Variants in ZSWIM6 observed in about 807,000 individuals in gnomAD.
ZSWIM6 encodes the protein zinc finger SWIM domain-containing protein 6.
ZSWIM6 carries 9 observed loss-of-function variants against 113.2 expected under a neutral mutation model. That is an observed-to-expected ratio of 0.08 (90% CI 0.05 to 0.14). The LOEUF is 0.14. Ranked by LOEUF, ZSWIM6 falls within the 10% of genes least tolerant of loss-of-function variation. The pLI, the probability that ZSWIM6 is intolerant of heterozygous loss-of-function variation, is 1.00. For synonymous variants in ZSWIM6, 611 were observed against 606.5 expected, an observed-to-expected ratio of 1.01 and a Z score of -0.11; for missense variants, 1,162 against 1,552.2, an observed-to-expected ratio of 0.75 and a Z score of 4.22.
chr5:61,523,297 C>T (rs367857394), intron 5 of ZSWIM6, among the ~76,000 whole-genome samples: 33 of 152,274 alleles, frequency 2.2e-4, no homozygotes, highest in African/African-American at 7.0e-4. Flanking sequence ...AGGCCATGGA[C>T]GGAATTTCTT....
At chr5:61,359,826 G>T (rs559445335) in intron 1 of ZSWIM6, among the ~76,000 whole-genome samples, 1 of 152,064 alleles carries the variant, frequency 6.6e-6, no homozygotes, top group Non-Finnish European at 1.5e-5. Context: ...TTAGTGTCCA[G>T]TCAGGAAAAT....
rs1749856413 is a variant in ZSWIM6 at position 61,545,280 on chromosome 5, CACAG to C, written c.*967_*970del. ...ATGTATACATATATATATGTATACA[CACAG>C]ACACACACACACACCACCAACAACC... On this transcript the variant is annotated 3_prime_UTR_variant, in exon 14 of 14. Coordinates refer to ENST00000252744, the MANE Select transcript of ZSWIM6 (RefSeq NM_020928.2). The C allele has an allele frequency of 6.6e-6, 1 of 151,526 alleles. No homozygotes were observed. Among genetic ancestry groups the C allele is most frequent in the Non-Finnish European group, 1.5e-5 (1 of 67,910 alleles). The allele number at this position is 151,526 out of a possible 1,614,324, so 9.4% of individuals were successfully genotyped here.
chr5:61,541,977 C>T lies in ZSWIM6; in HGVS notation c.2785+12C>T. ...TGCTACTGAAGTCGGTAGGTAAACT[C>T]TGGAACAGAAGCTTTCCTAGGTGCC... On this transcript the variant is annotated intron_variant, in intron 13 of 13. Transcript: ENST00000252744. 1 of 1,548,188 alleles carries T rather than the reference C, an allele frequency of 6.5e-7. No individual in the cohort carries two copies. The highest frequency in any genetic ancestry group is 1.2e-5 in the South Asian group (1 of 83,844).
At chr5:61,358,319 A>G (rs1182465585) in intron 1 of ZSWIM6, among the ~76,000 whole-genome samples, 1 of 152,158 alleles carries the variant, frequency 6.6e-6, no homozygotes, top group African/African-American at 2.4e-5. Flanking sequence ...AAAATCATGT[A>G]TTTCCTCATT....
At chr5:61,336,224 A>G (rs971748970) in intron 1 of ZSWIM6, among the ~76,000 whole-genome samples, 6 of 152,046 alleles carry the variant, frequency 3.9e-5, no homozygotes, top group Non-Finnish European at 7.4e-5. Context: ...AGATCGTACC[A>G]TTGCACTCCA....
At chr5:61,462,282 A>G (rs979643461) in intron 1 of ZSWIM6, among the ~76,000 whole-genome samples, 2 of 152,206 alleles carry the variant, frequency 1.3e-5, no homozygotes, top group Non-Finnish European at 2.9e-5. Context: ...AATTTTATAT[A>G]CCTCACATGG....
chr5:61,470,972 G>A (rs772753508), intron 1 of ZSWIM6, among the ~76,000 whole-genome samples: 19 of 152,176 alleles, frequency 1.2e-4, no homozygotes, highest in Non-Finnish European at 2.4e-4. Context: ...GATGTCCTGT[G>A]TGTAAACTCT....
At position 61,375,468 on chromosome 5, in the gene ZSWIM6, T is replaced by C. The variant is rs545736744; in HGVS notation, c.676+42520T>C. 7.7e-5 allele frequency: 119 copies of C among 1,546,754 alleles called. 2 individuals carry two copies. The South Asian group carries it at 1.1e-3, about 14-fold the overall frequency. On this transcript the variant is annotated intron_variant, in intron 1 of 13. Coordinates refer to ENST00000252744, the MANE Select transcript of ZSWIM6 (RefSeq NM_020928.2). ...GCTCTGATTCTTCCAGCAGTTCTTC[T>C]GATTCTGAAGATGAGGATAAGAAAC...
chr5:61,365,205 A>T (rs1294149474), intron 1 of ZSWIM6, among the ~76,000 whole-genome samples: 1 of 152,064 alleles, frequency 6.6e-6, no homozygotes, highest in Non-Finnish European at 1.5e-5. Context: ...TACAAAAATT[A>T]GCCAGATGTG....
intron 3 of ZSWIM6, among the ~76,000 whole-genome samples, chr5:61,493,123 A>G (rs1748223720): frequency 6.6e-6 from 1 of 152,112 alleles, no homozygotes; most frequent in African/African-American, 2.4e-5. Flanking sequence ...GACAAAACTT[A>G]AAGTTCCAAC....
In ZSWIM6 at chr5:61,531,646, C is replaced by T. The variant is rs1320367751; in HGVS notation, c.2166C>T (p.Leu722=). ...AAGTTTGCCGGAATGAGGAGCAGCT[C>T]ATTTCTAAGCTTCAGGAAATTGAAT... ...QEKVCRNEEQ[L]ISKLQEIELD... is the part of the protein sequence containing the mutation. Residue 722 remains leucine, a synonymous_variant, in exon 9 of 14, where the codon CTC becomes CTT. Transcript: ENST00000252744. 1.2e-5 allele frequency: 18 copies of T among 1,551,596 alleles called. No individual in the cohort carries two copies. Among genetic ancestry groups the T allele is most frequent in the Non-Finnish European group, 1.5e-5 (17 of 1,146,994 alleles).
At position 61,526,427 on chromosome 5, in the gene ZSWIM6, A is replaced by G. The variant is rs1316115573; in HGVS notation, c.1837+31A>G. 4 of 1,551,130 alleles carry G rather than the reference A, an allele frequency of 2.6e-6. No individual in the cohort carries two copies. In the South Asian group the frequency reaches 4.8e-5, roughly 18 times the overall value. Reference sequence around the variant, plus strand: ...TGTGAAGGAGTTTGTTTCCATTGGAATGGGATTCTTAGTGATGACATTACT... The same window carrying G: ...TGTGAAGGAGTTTGTTTCCATTGGAGTGGGATTCTTAGTGATGACATTACT... On this transcript the variant is annotated intron_variant, in intron 7 of 13. Coordinates refer to ENST00000252744, the MANE Select transcript of ZSWIM6 (RefSeq NM_020928.2).
At chr5:61,412,819 A>C (rs1436550232) in intron 1 of ZSWIM6, among the ~76,000 whole-genome samples, 1 of 152,084 alleles carries the variant, frequency 6.6e-6, no homozygotes, top group African/African-American at 2.4e-5. Context: ...TTATTGTTGA[A>C]AGTGTTTATC....
chr5:61,357,135 T>C (rs1207542504), intron 1 of ZSWIM6, among the ~76,000 whole-genome samples: 4 of 152,086 alleles, frequency 2.6e-5, no homozygotes, highest in Non-Finnish European at 5.9e-5. Flanking sequence ...TTAATAAGCA[T>C]TCCAGGTGAT....
chr5:61,400,679 C>T (rs2112102775), intron 1 of ZSWIM6, among the ~76,000 whole-genome samples: 1 of 152,288 alleles, frequency 6.6e-6, no homozygotes, highest in South Asian at 2.1e-4. Context: ...ATATCTGCTC[C>T]TTGTTCTGCC....
chr5:61,409,468 C>T (rs1025631321), intron 1 of ZSWIM6, among the ~76,000 whole-genome samples: 8 of 152,136 alleles, frequency 5.3e-5, no homozygotes, highest in African/African-American at 1.2e-4. Context: ...ACCACCTTTG[C>T]GCAAGATAGT....
chr5:61,403,853 C>A (rs930033207), intron 1 of ZSWIM6, among the ~76,000 whole-genome samples: 1 of 152,094 alleles, frequency 6.6e-6, no homozygotes, highest in Non-Finnish European at 1.5e-5. Context: ...ATGTTTTTGA[C>A]AGTGAGGAAA....
At chr5:61,533,160 A>G (rs1162849956) in intron 9 of ZSWIM6, among the ~76,000 whole-genome samples, 1 of 152,240 alleles carries the variant, frequency 6.6e-6, no homozygotes, top group African/African-American at 2.4e-5. Context: ...TTGTTGACTC[A>G]TCTCTGCCTC....
intron 2 of ZSWIM6, among the ~76,000 whole-genome samples, chr5:61,478,013 T>A (rs1747750408): frequency 6.6e-6 from 1 of 152,202 alleles, no homozygotes; most frequent in Admixed American, 6.5e-5. Flanking sequence ...TTTATTTCCC[T>A]GTGGATGGTT....
Sources: allele counts gnomAD v4.1 joint callset (sites outside exome capture counted in the v4.1 genomes callset), GRCh38; gene constraint gnomAD v4.1.1; transcripts MANE v1.5; gene names NCBI Gene and HGNC (gene_info 2026-07-23, HGNC 2026-07-21).